FMN2: variants seen among roughly 807,000 people sequenced by gnomAD.
FMN2 encodes formin 2.
A neutral mutation model predicts 142.3 loss-of-function variants in FMN2; 51 were observed. The observed-to-expected ratio is 0.36, with a 90% CI of 0.29 to 0.45. The LOEUF (loss-of-function observed/expected upper bound fraction) is 0.45. Among genes scored for constraint, FMN2 ranks in the 20% least tolerant of loss-of-function variants. The probability of loss-of-function intolerance (pLI) is 1.00; values close to 1 mark genes in which losing one functional copy is unlikely to be tolerated. For missense variants in FMN2, 1,936 were observed against 2,122.8 expected (o/e 0.91, Z 1.73); for synonymous variants, 882 against 869.8 (o/e 1.01, Z -0.25).
intron 8 of FMN2, among the ~76,000 whole-genome samples, chr1:240,322,604 C>T (rs183425642): frequency 2.0e-5 from 3 of 152,216 alleles, no homozygotes; most frequent in African/African-American, 7.2e-5. Context: ...TGGCGGTATG[C>T]TAGAGAGGAA....
rs539266734 is a variant in FMN2 at position 240,126,377 on chromosome 1, T to C, written c.1782+3032T>C. Among the ~76,000 whole-genome samples, 712 of 131,930 alleles carry C rather than the reference T, an allele frequency of 5.4e-3. 3 individuals carry two copies. Among genetic ancestry groups the C allele is most frequent in the South Asian group, 0.037 (135 of 3,660 alleles). 86.6% of individuals were successfully genotyped at this position (131,930 alleles called of 152,430 possible). A position where few individuals can be genotyped will look rare whatever the true frequency, so the allele number is the denominator to read the frequency against. ...CCCTTCCTACCTACCCCCCCCCACT[T>C]TGTTCCCTTCCCTGATGGGTTCCTC... On this transcript the variant is annotated intron_variant, in intron 2 of 17. Transcript: ENST00000319653.
Position 240,149,769 on chromosome 1 carries a change from T to C in FMN2, c.1782+26424T>C, listed in dbSNP as rs1571988074. ...AGTTACAGGAAGGCGTCTTAAAATT[T>C]CACCACTGCAAAATATATTCACAGG... On this transcript the variant is annotated intron_variant, in intron 2 of 17. Coordinates refer to ENST00000319653, the MANE Select transcript of FMN2 (RefSeq NM_020066.5). Among the ~76,000 whole-genome samples the C allele has an allele frequency of 2.0e-5, 3 of 152,316 alleles. 1 individual carries two copies. The highest frequency in any genetic ancestry group is 2.4e-5 in the African/African-American group (1 of 41,572).
chr1:240,396,177 A>G (rs758511216), intron 15 of FMN2, among the ~76,000 whole-genome samples: 9 of 152,230 alleles, frequency 5.9e-5, no homozygotes, highest in African/African-American at 1.9e-4. Flanking sequence ...TTAATAGACT[A>G]TAGTATAATG....
intron 6 of FMN2, among the ~76,000 whole-genome samples, chr1:240,229,582 T>C (rs1667467803): frequency 6.6e-6 from 1 of 152,232 alleles, no homozygotes; most frequent in Non-Finnish European, 1.5e-5. Flanking sequence ...TTCTGTGGAA[T>C]TGTTTCATGT....
At chr1:240,148,012 A>G (rs1007874356) in intron 2 of FMN2, among the ~76,000 whole-genome samples, 3 of 152,110 alleles carry the variant, frequency 2.0e-5, no homozygotes, top group Non-Finnish European at 2.9e-5. Context: ...TCTTTCACTC[A>G]CCTTTGAATT....
At chr1:240,206,537 T>C (rs545735136) in intron 4 of FMN2, among the ~76,000 whole-genome samples, 24 of 152,252 alleles carry the variant, frequency 1.6e-4, no homozygotes, top group African/African-American at 5.8e-4. Flanking sequence ...TTCCCTGTTC[T>C]CAGTGGTCTA....
intron 7 of FMN2, among the ~76,000 whole-genome samples, chr1:240,287,420 C>A (rs1465130305): frequency 6.6e-6 from 1 of 152,206 alleles, no homozygotes; most frequent in Non-Finnish European, 1.5e-5. Context: ...CCCTTATACT[C>A]TGCCAGTGAA....
intron 15 of FMN2, among the ~76,000 whole-genome samples, chr1:240,422,781 A>G (rs948343379): frequency 1.3e-5 from 2 of 152,158 alleles, no homozygotes; most frequent in African/African-American, 4.8e-5. Context: ...TACGCTGACT[A>G]TAATGGTCTG....
intron 15 of FMN2, among the ~76,000 whole-genome samples, chr1:240,394,443 C>T (rs566861569): frequency 3.1e-4 from 47 of 152,146 alleles, no homozygotes; most frequent in African/African-American, 1.1e-3. Context: ...AAGTTTGAGG[C>T]CAGTAGAAGT....
chr1:240,410,287 G>A (rs1022981883), intron 15 of FMN2, among the ~76,000 whole-genome samples: 57 of 152,110 alleles, frequency 3.7e-4, no homozygotes, highest in Non-Finnish European at 6.8e-4. Context: ...TCAAGTCCCA[G>A]ATCAGAAGCA....
intron 15 of FMN2, among the ~76,000 whole-genome samples, chr1:240,425,724 A>C (rs537688525): frequency 9.1e-4 from 139 of 152,336 alleles, no homozygotes; most frequent in Non-Finnish European, 1.7e-3. Flanking sequence ...GATTGAGAGC[A>C]TATGGTAATG....
chr1:240,323,155 TTCTCTTTC>T (rs1047235434), intron 8 of FMN2, among the ~76,000 whole-genome samples: 5 of 151,110 alleles, frequency 3.3e-5, no homozygotes, highest in South Asian at 2.1e-4. Context: ...TCCTTTCTCT[TTCTCTTTC>T]TCTCTTTCTC....
intron 1 of FMN2, among the ~76,000 whole-genome samples, chr1:240,096,268 T>C (rs1184842235): frequency 6.6e-6 from 1 of 152,240 alleles, no homozygotes; most frequent in Admixed American, 6.5e-5. Context: ...TGATCAGATT[T>C]AGGGCCTTTC....
intron 8 of FMN2, among the ~76,000 whole-genome samples, chr1:240,305,797 C>G (rs1670367145): frequency 8.7e-6 from 1 of 115,420 alleles, no homozygotes; most frequent in Non-Finnish European, 1.8e-5. Flanking sequence ...TGTATCTCTT[C>G]CACTTATACT....
At chr1:240,213,784 A>G (rs189270597) in intron 6 of FMN2, among the ~76,000 whole-genome samples, 399 of 152,278 alleles carry the variant, frequency 2.6e-3, no homozygotes, top group Non-Finnish European at 4.5e-3. Flanking sequence ...TTTTTCTGTG[A>G]TCTCTGTTCT....
chr1:240,201,464 C>T (rs1666118546), intron 4 of FMN2, among the ~76,000 whole-genome samples: 1 of 152,064 alleles, frequency 6.6e-6, no homozygotes, highest in Admixed American at 6.6e-5. Context: ...GATGATGTGA[C>T]AGATGTATTT....
At chr1:240,459,723 A>G (rs913962270) in intron 16 of FMN2, among the ~76,000 whole-genome samples, 71 of 14,654 alleles carry the variant, frequency 4.8e-3, no homozygotes, top group African/African-American at 0.015. Context: ...TCTCTAAAAA[A>G]AAAAAAAAAA....
chr1:240,184,047 C>T (rs1043334631), intron 3 of FMN2, among the ~76,000 whole-genome samples: 41 of 151,962 alleles, frequency 2.7e-4, no homozygotes, highest in South Asian at 1.0e-3. Context: ...AGGCATATCC[C>T]GCTCATTGTC....
At chr1:240,305,453 T>C (rs1670353213) in intron 8 of FMN2, among the ~76,000 whole-genome samples, 1 of 152,230 alleles carries the variant, frequency 6.6e-6, no homozygotes, top group Non-Finnish European at 1.5e-5. Flanking sequence ...GTAAAAAACA[T>C]GTTGCATAAT....
Sources: gnomAD v4.1 joint callset for allele counts (sites outside exome capture counted in the v4.1 genomes callset) on GRCh38, gnomAD v4.1.1 for gene constraint, MANE v1.5 for transcripts, NCBI Gene and HGNC (gene_info 2026-07-23, HGNC 2026-07-21) for gene names.